The following NEB variants were observed in gnomAD, a reference collection of about 807,000 sequenced individuals.
NEB encodes the protein nebulin, also known as nemaline myopathy type 2.
NEB carries 512 observed loss-of-function variants against 952.2 expected under a neutral mutation model. That is an observed-to-expected ratio of 0.54 (90% CI 0.50 to 0.58). The LOEUF (loss-of-function observed/expected upper bound fraction) is 0.58. NEB is among the 20% of genes least tolerant of loss of function. NEB has a pLI of 0.00. For missense variants in NEB, 8,428 were observed against 9,231.1 expected (o/e 0.91, Z 3.56); for synonymous variants, 2,900 against 3,149.8 (o/e 0.92, Z 2.66).
intron 132 of NEB, 41 bp downstream of exon 132, chr2:151,547,593 C>G (rs2094875430): frequency 6.2e-7 from 1 of 1,603,190 alleles, no homozygotes; most frequent in Admixed American, 1.7e-5. Context: ...TAACATTCAT[C>G]CCTAGTCTCT....
chr2:151,731,030 T>C (rs76559186), intron 3 of NEB, among the ~76,000 whole-genome samples: 3,832 of 152,252 alleles, frequency 0.025, 185 homozygotes, highest in African/African-American at 0.088. Context: ...TATTGTTTGA[T>C]GCTGACGCCA....
intron 155 of NEB, 34 bp from the exon 156 acceptor site, chr2:151,518,456 G>A (rs1189368032): frequency 2.3e-6 from 3 of 1,292,552 alleles, no homozygotes; most frequent in African/African-American, 2.9e-5. Flanking sequence ...GCACATTGAT[G>A]GAGAAGCTGC....
intron 5 of NEB, among the ~76,000 whole-genome samples, chr2:151,726,207 C>T (rs1047822217): frequency 3.9e-5 from 6 of 152,180 alleles, no homozygotes; most frequent in Admixed American, 3.3e-4. Flanking sequence ...CAGACCTTTG[C>T]TGGCATTCTG....
At chr2:151,556,308 T>C (rs2095645672) in intron 124 of NEB, among the ~76,000 whole-genome samples, 1 of 152,190 alleles carries the variant, frequency 6.6e-6, no homozygotes, top group Non-Finnish European at 1.5e-5. Flanking sequence ...GCACTGTCTC[T>C]AGTCTAGCAG....
chr2:151,630,268 C>A (rs4664492), intron 67 of NEB, among the ~76,000 whole-genome samples: 30,790 of 152,084 alleles, frequency 0.2, 3,781 homozygotes, highest in Admixed American at 0.35. Flanking sequence ...ATAGAGAACA[C>A]TTCTTCCTTA....
At position 151,658,991 on chromosome 2, in the gene NEB, GAT is replaced by G; in HGVS notation, c.6075+72_6075+73del. On this transcript the variant is annotated intron_variant, in intron 47 of 181. Coordinates refer to ENST00000397345, the MANE Select transcript of NEB (RefSeq NM_001164508.2). ...AACATTCACTCTCATAACTGAGAGA[GAT>G]ATTAATTAATTTGTTCTTACTGGTT... 12 of 996,752 alleles carry G rather than the reference GAT, an allele frequency of 1.2e-5. No individual in the cohort carries two copies. The Admixed American group carries it at 1.9e-4, about 15-fold the overall frequency. 61.7% of individuals were successfully genotyped at this position (996,752 alleles called of 1,614,324 possible). A position where few individuals can be genotyped will look rare whatever the true frequency, so the allele number is the denominator to read the frequency against.
Position 151,663,869 on chromosome 2 carries a change from G to A in NEB, c.5452-10C>T, listed in dbSNP as rs755973658. 8 of 1,605,388 alleles carry A rather than the reference G, an allele frequency of 5.0e-6. No individual in the cohort carries two copies. The highest frequency in any genetic ancestry group is 5.1e-6 in the Non-Finnish European group (6 of 1,174,352). On this transcript the variant is annotated splice_polypyrimidine_tract_variant and intron_variant, in intron 44 of 181. Coordinates refer to ENST00000397345, the MANE Select transcript of NEB (RefSeq NM_001164508.2). Reference sequence around the variant, plus strand: ...CTTTCTTGTATTTGTACTGTGGACAGAGAAGAAATTATGGTGATGAAAATG... The same window carrying A: ...CTTTCTTGTATTTGTACTGTGGACAAAGAAGAAATTATGGTGATGAAAATG...
chr2:151,550,947 A>AATTATTATTATTATTATT (rs5835373), intron 129 of NEB, among the ~76,000 whole-genome samples: 1,949 of 138,860 alleles, frequency 0.014, 16 homozygotes, highest in African/African-American at 0.017. Context: ...GCCTGGCCAA[A>AATTATTATTATTATTATT]ATTATTATTA....
intron 181 of NEB, among the ~76,000 whole-genome samples, chr2:151,488,191 ATAT>A (rs2052715219): frequency 6.6e-6 from 1 of 152,062 alleles, no homozygotes; most frequent in Admixed American, 6.6e-5. Flanking sequence ...TTCTTTTTCA[ATAT>A]TAATATTTTT....
At position 151,697,150 on chromosome 2, in the gene NEB, C is replaced by G. The variant is rs2099602632; in HGVS notation, c.1468G>C (p.Asp490His). 2 of 1,611,634 alleles carry G rather than the reference C, an allele frequency of 1.2e-6. No individual in the cohort carries two copies. The highest frequency in any genetic ancestry group is 1.7e-5 in the Admixed American group (1 of 59,952). Residue 490 changes from aspartate to histidine, a missense_variant and splice_region_variant, in exon 16 of 182, where the codon GAC becomes CAC. By Grantham distance (81) the Asp-to-His change is moderately conservative (BLOSUM62 -1). Coordinates refer to ENST00000397345, the MANE Select transcript of NEB (RefSeq NM_001164508.2). ...CAAAGTTCAGACTACAGACTTACGT[C>G]TTTACACTGATCTAGTTTCTTAATT... ...EAIKKLDQCK[D>H]HTYKVHPDKT...
chr2:151,686,172 G>A (rs1053623183), intron 27 of NEB, among the ~76,000 whole-genome samples: 1 of 152,138 alleles, frequency 6.6e-6, no homozygotes, highest in Non-Finnish European at 1.5e-5. Context: ...TTACTGTTTT[G>A]TTCATGTTCA....
At chr2:151,621,156 A>T (rs750399192) in intron 71 of NEB, 130 bp from the exon 72 acceptor site, 22 of 626,948 alleles carry the variant, frequency 3.5e-5, no homozygotes, top group Non-Finnish European at 5.3e-5. Context: ...CAGAAAAAGA[A>T]CTCTTTCTTT....
intron 173 of NEB, chr2:151,495,160 G>A (rs966829892): frequency 2.6e-5 from 4 of 152,112 alleles, no homozygotes; most frequent in South Asian, 2.1e-4. Context: ...CTATCATGGC[G>A]AATCAGTGGA....
intron 65 of NEB, among the ~76,000 whole-genome samples, chr2:151,632,904 T>A (rs2098698061): frequency 6.6e-6 from 1 of 152,178 alleles, no homozygotes; most frequent in Non-Finnish European, 1.5e-5. Context: ...GCAAAGCCTT[T>A]CTTTTTGGAA....
intron 61 of NEB, 111 bp downstream of exon 61, chr2:151,640,244 C>T (rs1490385126): frequency 4.7e-6 from 7 of 1,499,788 alleles, no homozygotes; most frequent in Non-Finnish European, 5.4e-6. Flanking sequence ...AAAGGCAATG[C>T]TATTTGCCTC....
In NEB at chr2:151,678,006, A is replaced by T. The variant is rs746053964; in HGVS notation, c.3437T>A (p.Val1146Asp). Residue 1146 changes from valine (V) to aspartate (D), a missense_variant, in exon 33 of 182, where the codon GTC becomes GAC. Val to Asp is a radical substitution (Grantham distance 152). Coordinates refer to ENST00000397345, the MANE Select transcript of NEB (RefSeq NM_001164508.2). The stretch of plus-strand genomic sequence containing the variant: ...ATCCTGGGCTTTCTTAGCCGCCACG[A>T]CATTGAACATATCATGGGGCGTGTT... ...KYNTPHDMFNVVAAKKAQDVV... is the reference protein window; with the variant it reads ...KYNTPHDMFNDVAAKKAQDVV... 1 of 1,613,986 alleles carries T rather than the reference A, an allele frequency of 6.2e-7. No individual in the cohort carries two copies. The highest frequency in any genetic ancestry group is 2.2e-5 in the East Asian group (1 of 44,888).
chr2:151,550,939 C>T (rs918935133), intron 129 of NEB, among the ~76,000 whole-genome samples: 1 of 134,946 alleles, frequency 7.4e-6, no homozygotes, highest in African/African-American at 3.1e-5. Flanking sequence ...GCCACTGTGC[C>T]TGGCCAAAAT....
intron 156 of NEB, among the ~76,000 whole-genome samples, chr2:151,517,055 C>T (rs745449733): frequency 1.2e-4 from 19 of 152,152 alleles, no homozygotes; most frequent in Non-Finnish European, 2.6e-4. Flanking sequence ...AAGTAAACAA[C>T]TCTATGTGGG....
chr2:151,673,795 G>T (rs1481594357), intron 36 of NEB, among the ~76,000 whole-genome samples: 1 of 144,078 alleles, frequency 6.9e-6, no homozygotes, highest in Admixed American at 7.1e-5. Flanking sequence ...GTGCAGTGGC[G>T]CAATCTCGGC....
Sources: gnomAD v4.1 joint callset for allele counts (sites outside exome capture counted in the v4.1 genomes callset) on GRCh38, gnomAD v4.1.1 for gene constraint, MANE v1.5 for transcripts, NCBI Gene and HGNC (gene_info 2026-07-23, HGNC 2026-07-21) for gene names.